The following TLE4 variants were observed in gnomAD, a reference collection of about 807,000 sequenced individuals.
The protein encoded by TLE4 is TLE family member 4, transcriptional corepressor.
A neutral mutation model predicts 92.8 loss-of-function variants in TLE4; 8 were observed. The observed-to-expected ratio is 0.09, with a 90% confidence interval of 0.05 to 0.16. The LOEUF is 0.16. TLE4 is among the 10% of genes least tolerant of loss of function. TLE4 has a pLI of 1.00. For synonymous variants in TLE4, 371 were observed against 374.1 expected (o/e 0.99, Z 0.10); for missense variants, 675 against 997.6 (o/e 0.68, Z 4.36).
chr9:79,647,162 A>G (rs1199316471), intron 6 of TLE4, among the ~76,000 whole-genome samples: 1 of 152,216 alleles, frequency 6.6e-6, no homozygotes, highest in Non-Finnish European at 1.5e-5. Context: ...GGTGAATAGC[A>G]ATGAACTGAT....
intron 6 of TLE4, among the ~76,000 whole-genome samples, chr9:79,636,199 A>G (rs1443211086): frequency 6.6e-6 from 1 of 152,104 alleles, no homozygotes; most frequent in Admixed American, 6.6e-5. Context: ...ATGAGACTAT[A>G]TATAGTAGCT....
intron 8 of TLE4, among the ~76,000 whole-genome samples, chr9:79,687,985 A>T (rs919476314): frequency 2.0e-5 from 3 of 152,094 alleles, no homozygotes; most frequent in African/African-American, 7.2e-5. Flanking sequence ...TGGACAGTGG[A>T]CCACACTTTT....
Position 79,704,847 on chromosome 9 carries a change from A to G in TLE4, c.674A>G (p.Tyr225Cys), listed in dbSNP as rs2071060010. Residue 225 changes from tyrosine to cysteine, a missense_variant, in exon 9 of 20, where the codon TAC (tyrosine) becomes TGC (cysteine). Physicochemically the swap from Tyr to Cys is radical, Grantham distance 194. Coordinates refer to ENST00000376552, the MANE Select transcript of TLE4 (RefSeq NM_007005.6). ...GAGAAGCACAGAAACTCCGCAGACT[A>G]CTCCTCAGAGAGCAAAAAGCAGAAA... ...GAEKHRNSADYSSESKKQKTE... is the reference protein window; with the variant it reads ...GAEKHRNSADCSSESKKQKTE... 9 of 1,614,102 alleles carry G rather than the reference A, an allele frequency of 5.6e-6. No homozygotes were observed. The highest frequency in any genetic ancestry group is 1.6e-4 in the Middle Eastern group (1 of 6,062).
chr9:79,708,470 A>G, intron 12 of TLE4, 123 bp from the exon 13 acceptor site: 1 of 1,147,690 alleles, frequency 8.7e-7, no homozygotes, highest in Non-Finnish European at 1.2e-6. Flanking sequence ...GGCTTGAATG[A>G]CTTTTGAGAA....
chr9:79,589,835 G>A (rs1402215167), intron 4 of TLE4, among the ~76,000 whole-genome samples: 1 of 152,082 alleles, frequency 6.6e-6, no homozygotes, highest in Admixed American at 6.5e-5. Context: ...TGAGGCATTA[G>A]GGCAGATCTT....
chr9:79,718,932 C>A lies in TLE4; in HGVS notation c.1551C>A (p.His517Gln), dbSNP rs1337584176. ...GCGTCAAGGTCTGGGACATCAGCCA[C>A]CCAGGCAATAAGAGTCCTGTCTCCC... ...KGCVKVWDIS[H>Q]PGNKSPVSQL... Residue 517 changes from histidine (H) to glutamine (Q), a missense_variant, in exon 15 of 20, where the codon CAC becomes CAA. Around this residue, in one of 5 missense-constraint regions of TLE4, gnomAD observed 170 missense variants for 359.6 expected, o/e 0.47. Coordinates refer to ENST00000376552, the MANE Select transcript of TLE4 (RefSeq NM_007005.6). 6.2e-7 allele frequency: 1 copy of A among 1,613,692 alleles called. No homozygotes were observed. The highest frequency in any genetic ancestry group is 8.5e-7 in the Non-Finnish European group (1 of 1,179,642).
At chr9:79,584,783 A>G (rs1039976705) in intron 4 of TLE4, among the ~76,000 whole-genome samples, 5 of 152,244 alleles carry the variant, frequency 3.3e-5, no homozygotes, top group African/African-American at 1.2e-4. Context: ...GGAAAGAGGA[A>G]GCAAAAGCAA....
intron 14 of TLE4, among the ~76,000 whole-genome samples, chr9:79,715,295 T>G (rs984517608): frequency 6.6e-6 from 1 of 152,206 alleles, no homozygotes; most frequent in African/African-American, 2.4e-5. Context: ...GAATAATCTT[T>G]CTTTCTCTTC....
intron 5 of TLE4, among the ~76,000 whole-genome samples, chr9:79,625,169 G>A (rs1464509090): frequency 4.0e-5 from 6 of 150,280 alleles, no homozygotes; most frequent in Non-Finnish European, 7.4e-5. Flanking sequence ...ACAGGCGCCC[G>A]CCACTACGCC....
chr9:79,633,820 A>C (rs1354780893), intron 6 of TLE4, among the ~76,000 whole-genome samples: 1 of 152,142 alleles, frequency 6.6e-6, no homozygotes, highest in East Asian at 1.9e-4. Flanking sequence ...ACTGCTTTGT[A>C]CCCCTCGAAG....
Position 79,652,768 on chromosome 9 carries a change from A to C in TLE4, c.566A>C (p.Lys189Thr). ...QSHLPIKDEK[K>T]HHDNDHQRDR... is the part of the protein sequence containing the mutation. ...CATCTTCCAATTAAAGATGAGAAGA[A>C]GCACCATGACAATGATCACCAAAGA... is the stretch of plus-strand genomic sequence containing the variant. The change falls in exon 7 of 20, where the codon AAG (lysine) becomes ACG (threonine). Residue 189 changes from lysine (K) to threonine (T), a missense_variant. Physicochemically the swap from Lys to Thr is moderately conservative, Grantham distance 78. Coordinates refer to ENST00000376552, the MANE Select transcript of TLE4 (RefSeq NM_007005.6). 3 of 1,614,198 alleles carry C rather than the reference A, an allele frequency of 1.9e-6. No homozygotes were observed. The highest frequency in any genetic ancestry group is 2.5e-6 in the Non-Finnish European group (3 of 1,180,028).
intron 8 of TLE4, among the ~76,000 whole-genome samples, chr9:79,674,504 G>T (rs2062932913): frequency 6.6e-6 from 1 of 152,190 alleles, no homozygotes; most frequent in Non-Finnish European, 1.5e-5. Context: ...GAGATAGGAG[G>T]AGCCCCAGCA....
chr9:79,709,794 A>C, intron 14 of TLE4, 95 bp downstream of exon 14: 4 of 955,134 alleles, frequency 4.2e-6, no homozygotes, highest in East Asian at 2.7e-5. Context: ...GTGTTGGGGG[A>C]GTTCCCATGA....
chr9:79,580,807 C>T (rs1490297344), intron 4 of TLE4, among the ~76,000 whole-genome samples: 1 of 151,242 alleles, frequency 6.6e-6, no homozygotes, highest in Non-Finnish European at 1.5e-5. Context: ...CTGAAAGTAA[C>T]TAATAAATGA....
At chr9:79,634,594 A>G (rs1262715779) in intron 6 of TLE4, among the ~76,000 whole-genome samples, 1 of 152,142 alleles carries the variant, frequency 6.6e-6, no homozygotes, top group East Asian at 1.9e-4. Flanking sequence ...TGCCACCACA[A>G]TCAAGATACA....
At chr9:79,696,857 G>GC (rs1433173758) in intron 8 of TLE4, among the ~76,000 whole-genome samples, 1 of 152,182 alleles carries the variant, frequency 6.6e-6, no homozygotes, top group Non-Finnish European at 1.5e-5. Context: ...AGAGCACAGT[G>GC]CAGGGATAGG....
chr9:79,574,879 G>A lies in TLE4; in HGVS notation c.150G>A (p.Lys50=), dbSNP rs1484062616. ...QFLQAQYHSL[K]LECEKLASEK... ...TATCTTATGTCTTGAACAGTCTGAA[G>A]CTGGAATGTGAGAAACTCGCCAGTG... is the stretch of plus-strand genomic sequence containing the variant. The change falls in exon 3 of 20, where the codon AAG becomes AAA. Residue 50 remains lysine (K), a synonymous_variant. Coordinates refer to ENST00000376552, the MANE Select transcript of TLE4 (RefSeq NM_007005.6). 8 of 1,613,158 alleles carry A rather than the reference G, an allele frequency of 5.0e-6. No individual in the cohort carries two copies. In the East Asian group the frequency reaches 1.8e-4, roughly 36 times the overall value.
intron 12 of TLE4, 97 bp downstream of exon 12, chr9:79,708,347 G>C: frequency 7.3e-7 from 1 of 1,375,034 alleles, no homozygotes; most frequent in Admixed American, 2.2e-5. Flanking sequence ...CTAATGACCA[G>C]CATTGAATGG....
chr9:79,612,332 A>G (rs1467221679), intron 4 of TLE4, among the ~76,000 whole-genome samples: 2 of 152,240 alleles, frequency 1.3e-5, no homozygotes, highest in African/African-American at 4.8e-5. Flanking sequence ...GTTTTATGGA[A>G]AACATTAGTA....
Sources: gnomAD v4.1 joint callset for allele counts (sites outside exome capture counted in the v4.1 genomes callset) on GRCh38, gnomAD v4.1.1 for gene constraint, gnomAD v4.1.1 regional missense constraint, MANE v1.5 for transcripts, NCBI Gene and HGNC (gene_info 2026-07-23, HGNC 2026-07-21) for gene names.